MEI4: variants seen among roughly 807,000 people sequenced by gnomAD.
MEI4 encodes meiotic double-stranded break formation protein 4, also known as meiosis-specific protein MEI4.
Under a neutral mutation model 31.4 loss-of-function variants are expected in MEI4, and 27 were observed. The ratio of observed to expected loss-of-function variants is 0.86; its 90% confidence interval spans 0.63 to 1.19. The LOEUF is 1.19. MEI4 is among the 50% of genes most tolerant of loss of function. The pLI is 0.00. For missense variants in MEI4, 329 were observed against 398.9 expected, an observed-to-expected ratio of 0.82 and a Z score of 1.49; for synonymous variants, 122 against 145.4, an observed-to-expected ratio of 0.84 and a Z score of 1.16.
At chr6:77,867,890 A>G (rs1263128738) in intron 4 of MEI4, among the ~76,000 whole-genome samples, 1 of 152,226 alleles carries the variant, frequency 6.6e-6, no homozygotes, top group Non-Finnish European at 1.5e-5. Flanking sequence ...TGCAGCCATA[A>G]AAAATGATGA....
At chr6:77,716,535 G>A (rs1380430200) in intron 2 of MEI4, among the ~76,000 whole-genome samples, 9 of 152,092 alleles carry the variant, frequency 5.9e-5, no homozygotes, top group Admixed American at 5.9e-4. Context: ...CATTGGCAAG[G>A]GGTGAGGCTG....
chr6:77,660,065 G>T (rs1011910296), intron 1 of MEI4, among the ~76,000 whole-genome samples: 1 of 152,214 alleles, frequency 6.6e-6, no homozygotes, highest in Non-Finnish European at 1.5e-5. Flanking sequence ...GAGGGTAAAG[G>T]TGAGGGCTGT....
At chr6:77,811,406 A>G (rs1265170964) in intron 3 of MEI4, among the ~76,000 whole-genome samples, 3 of 152,232 alleles carry the variant, frequency 2.0e-5, no homozygotes, top group African/African-American at 4.8e-5. Context: ...ATGTGTTCAT[A>G]GAACAAATTT....
chr6:77,877,554 T>C (rs1771372283), intron 4 of MEI4, among the ~76,000 whole-genome samples: 1 of 152,096 alleles, frequency 6.6e-6, no homozygotes, highest in Non-Finnish European at 1.5e-5. Context: ...TCTATGTAGA[T>C]GGCTCATGGT....
intron 4 of MEI4, among the ~76,000 whole-genome samples, chr6:77,913,370 C>T (rs975128862): frequency 1.7e-4 from 26 of 152,052 alleles, no homozygotes; most frequent in Admixed American, 4.6e-4. Context: ...TTGTGTTATT[C>T]TTTATAAGTT....
At chr6:77,859,245 A>G (rs192269223) in intron 4 of MEI4, among the ~76,000 whole-genome samples, 2 of 152,210 alleles carry the variant, frequency 1.3e-5, no homozygotes, top group East Asian at 1.9e-4. Context: ...TATGTACCAC[A>G]TTTTGTTTAC....
At chr6:77,773,877 A>G (rs1768375143) in intron 3 of MEI4, among the ~76,000 whole-genome samples, 1 of 152,100 alleles carries the variant, frequency 6.6e-6, no homozygotes, top group Non-Finnish European at 1.5e-5. Flanking sequence ...ACATTTCTCC[A>G]AAGAAATACA....
chr6:77,667,359 A>G (rs1768658924), intron 1 of MEI4, among the ~76,000 whole-genome samples: 1 of 152,196 alleles, frequency 6.6e-6, no homozygotes, highest in Admixed American at 6.5e-5. Flanking sequence ...TCCATTGCCC[A>G]TATGATCTCA....
At chr6:77,884,800 T>A (rs1055245078) in intron 4 of MEI4, among the ~76,000 whole-genome samples, 6 of 152,214 alleles carry the variant, frequency 3.9e-5, no homozygotes, top group Non-Finnish European at 8.8e-5. Context: ...TGCTTCCAGC[T>A]TTGTACTTTT....
chr6:77,857,655 A>G (rs1484982355), intron 4 of MEI4, among the ~76,000 whole-genome samples: 1 of 152,174 alleles, frequency 6.6e-6, no homozygotes, highest in African/African-American at 2.4e-5. Context: ...CTTTGACCAC[A>G]TTATCCATGC....
At chr6:77,788,781 A>G (rs1768826742) in intron 3 of MEI4, among the ~76,000 whole-genome samples, 1 of 152,244 alleles carries the variant, frequency 6.6e-6, no homozygotes, top group Non-Finnish European at 1.5e-5. Flanking sequence ...AGAACATTCC[A>G]TGCTCATGGG....
At chr6:77,760,247 CACAT>C (rs1213020277) in intron 2 of MEI4, among the ~76,000 whole-genome samples, 1 of 151,662 alleles carries the variant, frequency 6.6e-6, no homozygotes, top group Non-Finnish European at 1.5e-5. Flanking sequence ...TATATATACA[CACAT>C]ATATGATATA....
chr6:77,900,669 A>G (rs1054666971), intron 4 of MEI4, among the ~76,000 whole-genome samples: 1 of 152,004 alleles, frequency 6.6e-6, no homozygotes, highest in Admixed American at 6.6e-5. Context: ...TGACGATAAA[A>G]GTCATTTCAA....
At chr6:77,735,333 C>A (rs1434156593) in intron 2 of MEI4, among the ~76,000 whole-genome samples, 1 of 151,790 alleles carries the variant, frequency 6.6e-6, no homozygotes, top group Non-Finnish European at 1.5e-5. Context: ...TTGCTCATTT[C>A]TTTTTATTCT....
At chr6:77,904,539 C>T (rs1012253525) in intron 4 of MEI4, among the ~76,000 whole-genome samples, 1 of 152,074 alleles carries the variant, frequency 6.6e-6, no homozygotes, top group African/African-American at 2.4e-5. Context: ...TTAGCTCTCA[C>T]TTATAAATGA....
At chr6:77,801,102 G>A (rs1302609258) in intron 3 of MEI4, among the ~76,000 whole-genome samples, 1 of 152,150 alleles carries the variant, frequency 6.6e-6, no homozygotes, top group Non-Finnish European at 1.5e-5. Context: ...GTAGAATTCG[G>A]CTGTGAATCC....
chr6:77,693,616 CTCTA>C (rs147796618), intron 2 of MEI4, among the ~76,000 whole-genome samples: 3,111 of 152,056 alleles, frequency 0.02, 113 homozygotes, highest in African/African-American at 0.07. Flanking sequence ...TAATCTGGTT[CTCTA>C]TCTGTTACCT....
intron 2 of MEI4, among the ~76,000 whole-genome samples, chr6:77,743,125 A>T (rs1767466086): frequency 1.3e-5 from 2 of 152,300 alleles, no homozygotes; most frequent in Middle Eastern, 6.8e-3. Context: ...GTTCCATATG[A>T]ACTTGAAAGT....
At chr6:77,869,387 G>C (rs1771140282) in intron 4 of MEI4, among the ~76,000 whole-genome samples, 1 of 152,102 alleles carries the variant, frequency 6.6e-6, no homozygotes, top group African/African-American at 2.4e-5. Flanking sequence ...TTGAAGAACA[G>C]ATTAAGTTAA....
Sources: gnomAD v4.1 joint callset for allele counts (sites outside exome capture counted in the v4.1 genomes callset) on GRCh38, gnomAD v4.1.1 for gene constraint, MANE v1.5 for transcripts, NCBI Gene and HGNC (gene_info 2026-07-23, HGNC 2026-07-21) for gene names.